The following SBF2 variants were observed in gnomAD, a reference collection of about 807,000 sequenced individuals.
The protein encoded by SBF2 is SET binding factor 2.
SBF2 carries 112 observed loss-of-function variants against 225.2 expected under a neutral mutation model. That is an observed-to-expected ratio of 0.50 (90% CI 0.43 to 0.58). The LOEUF (loss-of-function observed/expected upper bound fraction) is 0.58, where lower values mean the gene tolerates loss of function less well. SBF2 is among the 20% of genes least tolerant of loss of function. The pLI is 0.00. For synonymous variants in SBF2, 763 were observed against 773.3 expected (o/e 0.99, Z 0.22); for missense variants, 1,996 against 2,206.2 (o/e 0.90, Z 1.91).
At chr11:10,135,992 G>A (rs1954330273) in intron 2 of SBF2, among the ~76,000 whole-genome samples, 2 of 152,056 alleles carry the variant, frequency 1.3e-5, no homozygotes, top group African/African-American at 4.8e-5. Context: ...GATACTGGGC[G>A]ATTTACAAAA....
intron 17 of SBF2, among the ~76,000 whole-genome samples, chr11:9,878,325 T>C (rs1859456803): frequency 6.6e-6 from 1 of 152,220 alleles, no homozygotes; most frequent in African/African-American, 2.4e-5. Context: ...TGCAAAAATT[T>C]CCTCCCATTC....
intron 1 of SBF2, among the ~76,000 whole-genome samples, chr11:10,279,105 TTAAAAAAAAAAA>T (rs1963207439): frequency 1.3e-5 from 1 of 77,638 alleles, no homozygotes; most frequent in East Asian, 3.5e-4. Context: ...CGGTCTTGTA[TTAAAAAAAAAAA>T]AAAAAAAAAA....
At chr11:10,112,311 G>A (rs1952911889) in intron 2 of SBF2, among the ~76,000 whole-genome samples, 1 of 152,210 alleles carries the variant, frequency 6.6e-6, no homozygotes, top group Non-Finnish European at 1.5e-5. Flanking sequence ...AGCAGGAGGT[G>A]ACTGAATTAT....
chr11:10,193,841 A>G, intron 2 of SBF2, 61 bp downstream of exon 2: 1 of 1,113,962 alleles, frequency 9.0e-7, no homozygotes, highest in African/African-American at 1.5e-5. Context: ...AAATGTAAAA[A>G]TCAATGTGAC....
chr11:10,026,588 A>T (rs996267619), intron 6 of SBF2, among the ~76,000 whole-genome samples: 6 of 152,098 alleles, frequency 3.9e-5, no homozygotes, highest in African/African-American at 1.4e-4. Context: ...AATTAAAAAA[A>T]TTAACTGGGT....
intron 1 of SBF2, among the ~76,000 whole-genome samples, chr11:10,262,795 C>A (rs1324511958): frequency 6.6e-6 from 1 of 151,956 alleles, no homozygotes; most frequent in Non-Finnish European, 1.5e-5. Flanking sequence ...TATCCTATAC[C>A]TGCTGAATTC....
intron 16 of SBF2, among the ~76,000 whole-genome samples, chr11:9,926,748 C>T (rs540334381): frequency 2.6e-4 from 40 of 152,038 alleles, no homozygotes; most frequent in South Asian, 1.5e-3. Context: ...GCTAATAAGG[C>T]GGTATTTAGT....
intron 16 of SBF2, among the ~76,000 whole-genome samples, chr11:9,913,136 T>C (rs1862781777): frequency 6.6e-6 from 1 of 152,046 alleles, no homozygotes; most frequent in African/African-American, 2.4e-5. Context: ...ATACAAAAAT[T>C]ACCTCGGTGT....
intron 33 of SBF2, among the ~76,000 whole-genome samples, chr11:9,791,421 CAAA>C (rs11343948): frequency 0.033 from 4,110 of 125,384 alleles, 75 homozygotes; most frequent in African/African-American, 0.059. Flanking sequence ...ACCAGTTTAT[CAAA>C]AAAAAAAAAA....
intron 2 of SBF2, among the ~76,000 whole-genome samples, chr11:10,069,591 G>A (rs1207919738): frequency 6.6e-6 from 1 of 152,130 alleles, no homozygotes; most frequent in Non-Finnish European, 1.5e-5. Context: ...CCAAGACTTT[G>A]CTGCTGTGAA....
chr11:10,233,383 A>G (rs1249427710), intron 1 of SBF2, among the ~76,000 whole-genome samples: 3 of 152,040 alleles, frequency 2.0e-5, no homozygotes, highest in East Asian at 1.9e-4. Context: ...TGTGTAGTCA[A>G]TCCTCTCCCC....
chr11:9,931,726 C>T (rs1864512656), intron 16 of SBF2, among the ~76,000 whole-genome samples: 1 of 152,174 alleles, frequency 6.6e-6, no homozygotes, highest in Non-Finnish European at 1.5e-5. Context: ...CTCTTCTCCT[C>T]CAAAGGATCG....
chr11:10,239,816 A>G (rs1413198359), intron 1 of SBF2, among the ~76,000 whole-genome samples: 1 of 152,206 alleles, frequency 6.6e-6, no homozygotes, highest in Non-Finnish European at 1.5e-5. Flanking sequence ...AAAAGTATTG[A>G]TATACATGTA....
chr11:10,000,423 ATATAGAG>A (rs1256439709), intron 8 of SBF2, among the ~76,000 whole-genome samples: 1 of 152,198 alleles, frequency 6.6e-6, no homozygotes, highest in Non-Finnish European at 1.5e-5. Flanking sequence ...ACTGGCTTGA[ATATAGAG>A]TATACTTTTG....
chr11:9,803,666 C>A (rs1335018947), intron 32 of SBF2, among the ~76,000 whole-genome samples: 1 of 152,108 alleles, frequency 6.6e-6, no homozygotes, highest in Non-Finnish European at 1.5e-5. Flanking sequence ...GCAAGTTGAA[C>A]ATAGAGATTT....
chr11:10,094,961 T>C (rs1951956394), intron 2 of SBF2, among the ~76,000 whole-genome samples: 1 of 151,890 alleles, frequency 6.6e-6, no homozygotes, highest in African/African-American at 2.4e-5. Flanking sequence ...GCATAGGTTA[T>C]GGCCAGCTGA....
At chr11:10,224,947 C>T (rs922522471) in intron 1 of SBF2, among the ~76,000 whole-genome samples, 3 of 152,094 alleles carry the variant, frequency 2.0e-5, no homozygotes, top group Admixed American at 2.0e-4. Flanking sequence ...AGTGATGGTG[C>T]TTATAAATTT....
intron 4 of SBF2, 79 bp from the exon 5 acceptor site, chr11:10,029,954 G>A (rs1193956547): frequency 9.3e-6 from 9 of 964,078 alleles, no homozygotes; most frequent in Admixed American, 5.1e-5. Context: ...GCTCTAGGAC[G>A]ATTTCTCTTT....
At chr11:10,271,224 A>G (rs1962471453) in intron 1 of SBF2, among the ~76,000 whole-genome samples, 1 of 42,744 alleles carries the variant, frequency 2.3e-5, no homozygotes, top group African/African-American at 5.8e-5. Context: ...TGAAGTTAAG[A>G]ATTCTTTTAG....
Sources: allele counts gnomAD v4.1 joint callset (sites outside exome capture counted in the v4.1 genomes callset), GRCh38; gene constraint gnomAD v4.1.1; transcripts MANE v1.5; gene names NCBI Gene and HGNC (gene_info 2026-07-23, HGNC 2026-07-21).